Variants in MTCL1 observed in about 807,000 individuals in gnomAD.
MTCL1 encodes the protein microtubule crosslinking factor 1.
A neutral mutation model predicts 141.4 loss-of-function variants in MTCL1; 79 were observed. The observed-to-expected ratio is 0.56, with a 90% CI of 0.47 to 0.67. The LOEUF is 0.67. Ranked by LOEUF, MTCL1 falls within the 30% of genes least tolerant of loss-of-function variation. The pLI, the probability that MTCL1 is intolerant of heterozygous loss-of-function variation, is 0.00. For missense variants in MTCL1, 2,177 were observed against 2,113.9 expected (o/e 1.03, Z -0.59); for synonymous variants, 914 against 875.8 (o/e 1.04, Z -0.77).
At chr18:8,831,753 G>A in exon 17 of MTCL1, 2 of 1,550,422 alleles carry the variant, frequency 1.3e-6, no homozygotes, top group Non-Finnish European at 1.7e-6. Context: ...CGACGTCCTT[G>A]GAGGAGCATG....
At chr18:8,711,976 A>G (rs1036884748) in intron 1 of MTCL1, among the ~76,000 whole-genome samples, 12 of 152,184 alleles carry the variant, frequency 7.9e-5, no homozygotes, top group Admixed American at 7.2e-4. Flanking sequence ...TTGTCAACAT[A>G]TTAATTATGT....
At position 8,705,684 on chromosome 18, in the gene MTCL1, G is replaced by A. The variant is rs1308607226; in HGVS notation, c.24G>A (p.Ala8=). The stretch of plus-strand genomic sequence containing the variant: ...CCATGGAGACACTGAACGGCCCCGC[G>A]GGCGGAGGTGCCCCGGACGCGAAGC... The change falls in exon 1 of 14, where the codon GCG becomes GCA. Residue 8 remains alanine, a synonymous_variant. Coordinates refer to the MTCL1 transcript ENST00000306329. The surrounding 1 kb of genome is among the most constrained non-coding windows in gnomAD (Gnocchi z 5.2). 2 of 1,200,398 alleles carry A rather than the reference G, an allele frequency of 1.7e-6. No homozygotes were observed. Among genetic ancestry groups the A allele is most frequent in the East Asian group, 6.7e-5 (2 of 29,658 alleles). 74.4% of individuals were successfully genotyped at this position (1,200,398 alleles called of 1,614,324 possible).
exon 9 of MTCL1, chr18:8,796,289 G>C: frequency 6.2e-7 from 1 of 1,614,162 alleles, no homozygotes; most frequent in East Asian, 2.2e-5. Context: ...GCACAGCCTG[G>C]CTTTGCAAAA....
intron 4 of MTCL1, among the ~76,000 whole-genome samples, chr18:8,759,624 A>T (rs1476250276): frequency 1.3e-5 from 2 of 152,236 alleles, no homozygotes; most frequent in South Asian, 2.1e-4. Flanking sequence ...AAAGAGCCAA[A>T]GGCCATAATG....
rs865805673 is a variant in MTCL1, at chr18:8,825,069, C to G, written c.3559C>G (p.Gln1187Glu). ...ACTGCGGAGCCACGTCCTCACCGAGCAGTCGGGGTTGCGCGTGTTACACAG... is the reference window on the plus strand; with the variant it reads ...ACTGCGGAGCCACGTCCTCACCGAGGAGTCGGGGTTGCGCGTGTTACACAG... The change falls in exon 15 of 17, where the codon CAG becomes GAG. Residue 1187 changes from glutamine (Q) to glutamate (E), a missense_variant. Physicochemically the swap from Gln to Glu is conservative, Grantham distance 29. Transcript: ENST00000359865. The G allele has an allele frequency of 1.2e-6, 2 of 1,612,348 alleles. No individual in the cohort carries two copies. Among genetic ancestry groups the G allele is most frequent in the Non-Finnish European group, 1.7e-6 (2 of 1,179,658 alleles).
intron 4 of MTCL1, among the ~76,000 whole-genome samples, chr18:8,746,077 C>T (rs1033704949): frequency 2.6e-5 from 4 of 152,214 alleles, no homozygotes; most frequent in African/African-American, 9.7e-5. Context: ...TCAGAATTTC[C>T]ATCCCTTTTA....
At chr18:8,778,652 AT>A (rs751779147) in intron 5 of MTCL1, among the ~76,000 whole-genome samples, 4 of 152,218 alleles carry the variant, frequency 2.6e-5, no homozygotes, top group Non-Finnish European at 5.9e-5. Flanking sequence ...CCAGGGCATC[AT>A]TCAAGGGGGG....
At chr18:8,824,311 C>T (rs1334063943) in intron 14 of MTCL1, among the ~76,000 whole-genome samples, 1 of 152,230 alleles carries the variant, frequency 6.6e-6, no homozygotes, top group Non-Finnish European at 1.5e-5. Context: ...TTGCCAAAAC[C>T]TGGCCATCGC....
At chr18:8,829,212 T>C (rs1385868653) in intron 16 of MTCL1, 2 of 985,470 alleles carry the variant, frequency 2.0e-6, no homozygotes, top group East Asian at 1.1e-4. Context: ...CTGCTGAGAT[T>C]TCTCCGCTTT....
chr18:8,739,693 C>G (rs1267600478), intron 4 of MTCL1, among the ~76,000 whole-genome samples: 1 of 151,712 alleles, frequency 6.6e-6, no homozygotes, highest in East Asian at 1.9e-4. Context: ...AGGGCTGCCA[C>G]AAATATCTGC....
exon 6 of MTCL1, chr18:8,784,603 C>T (rs778541654): frequency 1.3e-4 from 205 of 1,612,124 alleles, no homozygotes; most frequent in East Asian, 2.9e-4. Flanking sequence ...GCCTCCAGGG[C>T]GAAGAGGAGC....
rs563416928 is a variant in MTCL1 at position 8,760,819 on chromosome 18, A to G, written c.358-17014A>G. 8.5e-5 allele frequency among the ~76,000 whole-genome samples: 13 copies of G among 152,330 alleles called. No homozygotes were observed. The East Asian group carries it at 1.3e-3, about 16-fold the overall frequency. ...ATTTTACAACTCTGTTAGAAAATCAAAATTTCTCCCTCTAGTATTTTCTGG... is the reference window on the plus strand; with the variant it reads ...ATTTTACAACTCTGTTAGAAAATCAGAATTTCTCCCTCTAGTATTTTCTGG... On this transcript the variant is annotated intron_variant, in intron 4 of 16. Coordinates refer to ENST00000359865, the Ensembl canonical transcript of MTCL1.
chr18:8,785,841 C>G (rs2096551402), intron 6 of MTCL1, 95 bp from the exon 6 acceptor site: 2 of 1,460,042 alleles, frequency 1.4e-6, no homozygotes, highest in African/African-American at 1.4e-5. Context: ...TCTTTATCCC[C>G]CCTCCCTGCC....
chr18:8,738,240 T>C (rs749914134), intron 4 of MTCL1, among the ~76,000 whole-genome samples: 36 of 152,344 alleles, frequency 2.4e-4, no homozygotes, highest in Non-Finnish European at 2.5e-4. Context: ...ATTAATCATC[T>C]GCTAGAAGGC....
chr18:8,756,555 A>ATATATG, intron 4 of MTCL1, among the ~76,000 whole-genome samples: 1 of 141,268 alleles, frequency 7.1e-6, no homozygotes, highest in African/African-American at 3.2e-5. Context: ...ATATATATGT[A>ATATATG]TATATATCTC....
intron 7 of MTCL1, 112 bp downstream of exon 6, chr18:8,786,203 GAGGTGGAACT>G (rs751561680): frequency 1.2e-4 from 155 of 1,256,212 alleles, no homozygotes; most frequent in Middle Eastern, 3.6e-4. Flanking sequence ...ATGGCAGGAG[GAGGTGGAACT>G]AGGTGGAACT....
intron 13 of MTCL1, among the ~76,000 whole-genome samples, chr18:8,820,421 T>C (rs952647975): frequency 3.2e-4 from 48 of 151,764 alleles, no homozygotes; most frequent in Non-Finnish European, 8.8e-5. Context: ...AAAAAAAAAG[T>C]TGATTCTAGG....
At position 8,784,852 on chromosome 18, in the gene MTCL1, G is replaced by A. The variant is rs368398429; in HGVS notation, c.1731+9G>A. The A allele has an allele frequency of 1.9e-6, 3 of 1,568,870 alleles. No homozygotes were observed. Among genetic ancestry groups the A allele is most frequent in the Non-Finnish European group, 2.6e-6 (3 of 1,156,132 alleles). ...TGGGCCCAGACTTGCAGGTAAGGGG[G>A]CTCGTGGCTTCGCCTCCCTGCTCCG... On this transcript the variant is annotated intron_variant, in intron 6 of 16. Transcript: ENST00000359865.
chr18:8,724,512 G>A (rs1027160674), intron 4 of MTCL1, among the ~76,000 whole-genome samples: 4 of 152,182 alleles, frequency 2.6e-5, no homozygotes, highest in Admixed American at 2.6e-4. Context: ...GAAAGTGTAG[G>A]CTGACCATAC....
Sources: gnomAD v4.1 joint callset for allele counts (sites outside exome capture counted in the v4.1 genomes callset) on GRCh38, gnomAD v4.1.1 for gene constraint, Gnocchi (gnomAD v3.1) non-coding constraint, MANE v1.5 for transcripts, NCBI Gene and HGNC (gene_info 2026-07-23, HGNC 2026-07-21) for gene names.